Variants in EXPH5 observed in about 807,000 individuals in gnomAD.
EXPH5 encodes the protein exophilin-5.
A neutral mutation model predicts 41.1 loss-of-function variants in EXPH5; 42 were observed. The observed-to-expected ratio is 1.02, with a 90% confidence interval of 0.80 to 1.32. EXPH5 has a LOEUF of 1.32. Ranked by LOEUF, EXPH5 falls within the 40% of genes most tolerant of loss-of-function variation. The pLI is 0.00. For missense variants in EXPH5, 2,298 were observed against 2,314.5 expected, an observed-to-expected ratio of 0.99 and a Z score of 0.15; for synonymous variants, 798 against 833.5, an observed-to-expected ratio of 0.96 and a Z score of 0.73.
chr11:108,592,824 T>C (rs953692213), intron 1 of EXPH5, among the ~76,000 whole-genome samples: 28 of 152,150 alleles, frequency 1.8e-4, no homozygotes, highest in Non-Finnish European at 1.6e-4. Flanking sequence ...CACATAAGCC[T>C]CTATTTGACA....
chr11:108,511,496 C>A lies in EXPH5; in HGVS notation c.4011G>T (p.Arg1337Ser). The change falls in exon 6 of 6, where the codon AGG (arginine) becomes AGT (serine). Residue 1337 changes from arginine (R) to serine (S), a missense_variant. Physicochemically the swap from Arg to Ser is moderately radical, Grantham distance 110. Coordinates refer to ENST00000265843, the MANE Select transcript of EXPH5 (RefSeq NM_015065.3). ...ENMTAFRLSN[R>S]GPLAPTLQEM... ...CCTGTAATGTAGGAGCTAGGGGCCC[C>A]CTATTTGATAATCGGAAGGCAGTCA... 1 of 1,590,268 alleles carries A rather than the reference C, an allele frequency of 6.3e-7. No homozygotes were observed.
In EXPH5 at chr11:108,513,174, G is replaced by T. The variant is rs775416350; in HGVS notation, c.2333C>A (p.Thr778Asn). 6.2e-7 allele frequency: 1 copy of T among 1,613,878 alleles called. No individual in the cohort carries two copies. The highest frequency in any genetic ancestry group is 1.7e-5 in the Admixed American group (1 of 59,988). Residue 778 changes from threonine (T) to asparagine (N), a missense_variant, in exon 6 of 6, where the codon ACC becomes AAC. Transcript: ENST00000265843. ...KSPRVFSRKD[T>N]SKMYIPHTDK... is the part of the protein sequence containing the mutation. ...TGTGTGCGGTATATACATTTTGGAG[G>T]TATCTTTCCTGGAAAAGACTCTGGG...
the EXPH5 span, among the ~76,000 whole-genome samples, chr11:108,599,927 C>T: frequency 1.3e-5 from 2 of 152,220 alleles, no homozygotes; most frequent in Non-Finnish European, 2.9e-5. Flanking sequence ...TTTTCAGTAA[C>T]TCACTTCTTC....
At position 108,512,791 on chromosome 11, in the gene EXPH5, A is replaced by G; in HGVS notation, c.2716T>C (p.Phe906Leu). ...DAPVVPSTTV[F>L]SRRSPSDKDP... ...TTGTCTGAAGGACTTCTCCTGGAGAACACTGTAGTAGATGGAACCACAGGA... is the reference window on the plus strand; with the variant it reads ...TTGTCTGAAGGACTTCTCCTGGAGAGCACTGTAGTAGATGGAACCACAGGA... The change falls in exon 6 of 6, where the codon TTC (phenylalanine) becomes CTC (leucine). Residue 906 changes from phenylalanine (F) to leucine (L), a missense_variant. Transcript: ENST00000265843. 6.2e-7 allele frequency: 1 copy of G among 1,614,122 alleles called. No homozygotes were observed. The highest frequency in any genetic ancestry group is 8.5e-7 in the Non-Finnish European group (1 of 1,180,004).
chr11:108,539,306 G>A (rs1174451053), intron 2 of EXPH5, 120 bp from the exon 3 acceptor site: 10 of 692,312 alleles, frequency 1.4e-5, no homozygotes, highest in Admixed American at 3.0e-5. Context: ...AACAGGGCAG[G>A]CAACCTCACA....
At chr11:108,585,590 A>G in intron 1 of EXPH5, among the ~76,000 whole-genome samples, 1 of 152,214 alleles carries the variant, frequency 6.6e-6, no homozygotes, top group East Asian at 1.9e-4. Flanking sequence ...CTCTTTATAA[A>G]TTACCCAGTC....
At chr11:108,515,689 G>A (rs936548208) in intron 5 of EXPH5, among the ~76,000 whole-genome samples, 21 of 152,086 alleles carry the variant, frequency 1.4e-4, no homozygotes, top group Non-Finnish European at 2.6e-4. Flanking sequence ...AAATTCCTAA[G>A]ATCACACAGC....
In EXPH5 at chr11:108,509,824, A is replaced by T. The variant is rs1036144846; in HGVS notation, c.5683T>A (p.Leu1895Ile). 1 of 1,613,478 alleles carries T rather than the reference A, an allele frequency of 6.2e-7. No homozygotes were observed. Among genetic ancestry groups the T allele is most frequent in the Non-Finnish European group, 8.5e-7 (1 of 1,179,888 alleles). Residue 1895 changes from leucine (L) to isoleucine (I), a missense_variant, in exon 6 of 6, where the codon TTA becomes ATA. Leu to Ile is a conservative substitution (Grantham distance 5). Coordinates refer to ENST00000265843, the MANE Select transcript of EXPH5 (RefSeq NM_015065.3). ...DYGIFGKEQQ[L>I]AFLENVKRSL... is the part of the protein sequence containing the mutation. ...CTCTTTACATTTTCTAAGAAAGCTA[A>T]CTGTTGTTCTTTCCCAAAGATCCCA...
Position 108,573,070 on chromosome 11 carries a change from AAGAG to A in EXPH5, c.119+20344_119+20347del, listed in dbSNP as rs371272956. On this transcript the variant is annotated intron_variant, in intron 1 of 5. Transcript: ENST00000265843. ...GTCTCAAAAAAATGTTGAAAAAAAT[AAGAG>A]AGAGAGAGAGAGAGAAAGGAAGGAA... 6.4e-3 allele frequency among the ~76,000 whole-genome samples: 938 copies of A among 147,570 alleles called. 14 individuals carry two copies. Among genetic ancestry groups the A allele is most frequent in the African/African-American group, 0.022 (895 of 40,196 alleles).
intron 3 of EXPH5, among the ~76,000 whole-genome samples, chr11:108,538,625 C>T (rs2093894204): frequency 6.6e-6 from 1 of 152,162 alleles, no homozygotes; most frequent in African/African-American, 2.4e-5. Flanking sequence ...CCCAACTCTC[C>T]TTATGACCAG....
At chr11:108,557,767 G>A (rs565407809) in intron 1 of EXPH5, among the ~76,000 whole-genome samples, 2 of 152,174 alleles carry the variant, frequency 1.3e-5, no homozygotes, top group African/African-American at 2.4e-5. Flanking sequence ...GCATGAGGAC[G>A]TTGCCTGTGT....
At chr11:108,600,625 G>A in the EXPH5 span, among the ~76,000 whole-genome samples, 1 of 152,132 alleles carries the variant, frequency 6.6e-6, no homozygotes, top group African/African-American at 2.4e-5. Context: ...AGCTAACTGA[G>A]TTAACTCACC....
At chr11:108,528,428 G>A (rs1193093883) in intron 3 of EXPH5, among the ~76,000 whole-genome samples, 2 of 152,170 alleles carry the variant, frequency 1.3e-5, no homozygotes, top group East Asian at 3.8e-4. Context: ...TTACATATTA[G>A]TGGATTTGCA....
At position 108,593,591 on chromosome 11, in the gene EXPH5, G is replaced by C; in HGVS notation, c.-55C>G. The stretch of plus-strand genomic sequence containing the variant: ...GCTCCTTGGCGCCTCCTGTTAGGAA[G>C]GCATTTTTCAACCTGTACAAGACCA... On this transcript the variant is annotated 5_prime_UTR_variant, in exon 1 of 6. Coordinates refer to ENST00000265843, the MANE Select transcript of EXPH5 (RefSeq NM_015065.3). The C allele has an allele frequency of 6.2e-7, 1 of 1,613,148 alleles. No homozygotes were observed. Among genetic ancestry groups the C allele is most frequent in the Non-Finnish European group, 8.5e-7 (1 of 1,179,642 alleles).
rs1424307623 is a variant in EXPH5, at chr11:108,538,972, CCT to C, written c.443+50_443+51del. ...TTTTGAACACAAAACAGGCTGCTGGCCTCTGATATCGGATAACAAATGGGCCG... is the reference window on the plus strand; with the variant it reads ...TTTTGAACACAAAACAGGCTGCTGGCCTGATATCGGATAACAAATGGGCCG... On this transcript the variant is annotated intron_variant, in intron 3 of 5. Transcript: ENST00000265843. 8 of 1,425,934 alleles carry C rather than the reference CCT, an allele frequency of 5.6e-6. No homozygotes were observed. The East Asian group carries it at 1.9e-4, about 34-fold the overall frequency. The allele number at this position is 1,425,934 out of a possible 1,614,324, so 88.3% of individuals were successfully genotyped here.
Position 108,513,613 on chromosome 11 carries a change from A to G in EXPH5, c.1894T>C (p.Ser632Pro). 1 of 1,613,134 alleles carries G rather than the reference A, an allele frequency of 6.2e-7. No individual in the cohort carries two copies. The highest frequency in any genetic ancestry group is 8.5e-7 in the Non-Finnish European group (1 of 1,179,686). The change falls in exon 6 of 6, where the codon TCC becomes CCC. Residue 632 changes from serine to proline, a missense_variant. Transcript: ENST00000265843. ...TTCCTTCTGTCATCAGAAATCTGGG[A>G]AAAGGAAGTTTTGAATGAGGATGCT... ...TLASSFKTSF[S>P]QISDDRRNPQ... is the part of the protein sequence containing the mutation.
chr11:108,524,312 A>C lies in EXPH5; in HGVS notation c.492+3824T>G, dbSNP rs547339304. ...ATACCCATTGCCTAGGGTTGCTGTA[A>C]GAATTAGGTGAATTAATATTAATAG... On this transcript the variant is annotated intron_variant, in intron 4 of 5. Transcript: ENST00000265843. Among the ~76,000 whole-genome samples, 5 of 152,376 alleles carry C rather than the reference A, an allele frequency of 3.3e-5. No homozygotes were observed. In the East Asian group the frequency reaches 7.7e-4, roughly 23 times the overall value.
chr11:108,580,968 A>C (rs56295806), intron 1 of EXPH5, among the ~76,000 whole-genome samples: 5,962 of 152,282 alleles, frequency 0.039, 124 homozygotes, highest in Middle Eastern at 0.048. Flanking sequence ...GAGGAGGAAT[A>C]AGTTTTACTG....
chr11:108,562,740 A>T (rs1361354598), intron 1 of EXPH5, among the ~76,000 whole-genome samples: 1 of 152,224 alleles, frequency 6.6e-6, no homozygotes, highest in Non-Finnish European at 1.5e-5. Flanking sequence ...AGGCAGGAGG[A>T]TCAAGTGAGC....
Sources: allele counts gnomAD v4.1 joint callset (sites outside exome capture counted in the v4.1 genomes callset), GRCh38; gene constraint gnomAD v4.1.1; transcripts MANE v1.5; gene names NCBI Gene and HGNC (gene_info 2026-07-23, HGNC 2026-07-21).